ADAM23: variants seen among roughly 807,000 people sequenced by gnomAD.
The protein encoded by ADAM23 is disintegrin and metalloproteinase domain-containing protein 23.
Under a neutral mutation model 120.1 loss-of-function variants are expected in ADAM23, and 33 were observed. The observed-to-expected ratio is 0.27, with a 90% CI of 0.21 to 0.37. The LOEUF is 0.37. Among genes scored for constraint, ADAM23 ranks in the 10% least tolerant of loss-of-function variants. The pLI, the probability that ADAM23 is intolerant of heterozygous loss-of-function variation, is 1.00. For missense variants in ADAM23, 862 were observed against 1,058.2 expected, an observed-to-expected ratio of 0.81 and a Z score of 2.57; for synonymous variants, 367 against 375.2, an observed-to-expected ratio of 0.98 and a Z score of 0.25.
At chr2:206,444,998 A>C (rs1339824910) in intron 1 of ADAM23, among the ~76,000 whole-genome samples, 5 of 145,912 alleles carry the variant, frequency 3.4e-5, no homozygotes, top group African/African-American at 1.0e-4. Flanking sequence ...AGTTCATTCT[A>C]CCCCCCCCCC....
Position 206,508,781 on chromosome 2 carries a change from A to G in ADAM23, c.510-22104A>G, listed in dbSNP as rs145823746. Among the ~76,000 whole-genome samples the G allele has an allele frequency of 3.2e-3, 481 of 152,308 alleles. 5 individuals carry two copies. Among genetic ancestry groups the G allele is most frequent in the African/African-American group, 0.011 (458 of 41,566 alleles). The stretch of plus-strand genomic sequence containing the variant: ...TGCATTGAGGTACCTACTAAGTTCC[A>G]GGTGCTGAAATAGGCATTTTGTATT... On this transcript the variant is annotated intron_variant, in intron 3 of 25. Coordinates refer to ENST00000264377, the MANE Select transcript of ADAM23 (RefSeq NM_003812.4).
chr2:206,598,315 A>C (rs986618081), intron 24 of ADAM23, among the ~76,000 whole-genome samples: 2 of 151,976 alleles, frequency 1.3e-5, no homozygotes, highest in Non-Finnish European at 2.9e-5. Flanking sequence ...TTTTTCTTTA[A>C]GTAGAGTAGG....
chr2:206,617,468 G>A, intron 25 of ADAM23, 111 bp from the exon 26 acceptor site: 1 of 1,223,048 alleles, frequency 8.2e-7, no homozygotes, highest in Non-Finnish European at 1.1e-6. Flanking sequence ...TAATTACTTT[G>A]CTCTGGAACT....
chr2:206,483,863 A>G (rs1416444452), intron 3 of ADAM23, among the ~76,000 whole-genome samples: 1 of 152,068 alleles, frequency 6.6e-6, no homozygotes, highest in African/African-American at 2.4e-5. Flanking sequence ...ATGAGAGGAG[A>G]TGATGTGGAG....
intron 3 of ADAM23, among the ~76,000 whole-genome samples, chr2:206,492,250 G>A (rs1696150145): frequency 6.6e-6 from 1 of 152,312 alleles, no homozygotes; most frequent in African/African-American, 2.4e-5. Context: ...TCTCAACTCA[G>A]GCCTAAAGCA....
rs143893247 is a variant in ADAM23, at chr2:206,528,880, C to T, written c.510-2005C>T. Among the ~76,000 whole-genome samples, 28 of 152,278 alleles carry T rather than the reference C, an allele frequency of 1.8e-4. No homozygotes were observed. In the East Asian group the frequency reaches 4.4e-3, roughly 24 times the overall value. On this transcript the variant is annotated intron_variant, in intron 3 of 25. Coordinates refer to ENST00000264377, the MANE Select transcript of ADAM23 (RefSeq NM_003812.4). Reference sequence around the variant, plus strand: ...GGACCTACTCTTGTCCTTCAGTTCCCATTAGGATTAAATGAGTTAATACCA... The same window carrying T: ...GGACCTACTCTTGTCCTTCAGTTCCTATTAGGATTAAATGAGTTAATACCA...
At chr2:206,614,900 G>A (rs948415201) in intron 25 of ADAM23, among the ~76,000 whole-genome samples, 2 of 152,038 alleles carry the variant, frequency 1.3e-5, no homozygotes, top group East Asian at 3.9e-4. Context: ...TAATGCCTGG[G>A]ACTCCTGGGT....
At chr2:206,526,473 T>A (rs1177028321) in intron 3 of ADAM23, among the ~76,000 whole-genome samples, 3 of 152,196 alleles carry the variant, frequency 2.0e-5, no homozygotes, top group African/African-American at 7.2e-5. Context: ...TTTTAGACAG[T>A]TCTTCTCCAA....
chr2:206,606,115 T>C (rs946742959), intron 24 of ADAM23, among the ~76,000 whole-genome samples: 2 of 152,236 alleles, frequency 1.3e-5, no homozygotes, highest in African/African-American at 4.8e-5. Flanking sequence ...GATATCTTCA[T>C]AATTAAGGCA....
intron 3 of ADAM23, among the ~76,000 whole-genome samples, chr2:206,521,458 G>C (rs1696840818): frequency 2.0e-5 from 3 of 152,150 alleles, no homozygotes; most frequent in Non-Finnish European, 2.9e-5. Flanking sequence ...AATATAGCTT[G>C]TATTGTGGTT....
At chr2:206,511,662 A>G (rs1402159626) in intron 3 of ADAM23, among the ~76,000 whole-genome samples, 2 of 152,188 alleles carry the variant, frequency 1.3e-5, no homozygotes, top group Non-Finnish European at 2.9e-5. Flanking sequence ...CTTCACCCCT[A>G]GAAGGTCCTC....
intron 3 of ADAM23, among the ~76,000 whole-genome samples, chr2:206,497,252 A>C (rs1016127370): frequency 6.6e-6 from 1 of 152,234 alleles, no homozygotes. Flanking sequence ...AAAAATCCTC[A>C]GTAAAATACT....
At chr2:206,506,806 G>A (rs541298672) in intron 3 of ADAM23, among the ~76,000 whole-genome samples, 1 of 152,274 alleles carries the variant, frequency 6.6e-6, no homozygotes, top group Non-Finnish European at 1.5e-5. Context: ...CTTTAAGCAG[G>A]TGTGTAGTCA....
At chr2:206,535,725 G>T (rs977121072) in intron 4 of ADAM23, among the ~76,000 whole-genome samples, 1 of 152,178 alleles carries the variant, frequency 6.6e-6, no homozygotes, top group Admixed American at 6.5e-5. Flanking sequence ...CATATGATAC[G>T]ATTCTGTTTA....
At chr2:206,597,746 A>G (rs148097520) in intron 24 of ADAM23, among the ~76,000 whole-genome samples, 171 of 152,286 alleles carry the variant, frequency 1.1e-3, no homozygotes, top group African/African-American at 3.9e-3. Context: ...CAGGTAGGAA[A>G]ATGCATATAG....
intron 24 of ADAM23, among the ~76,000 whole-genome samples, chr2:206,601,144 C>T (rs1049155838): frequency 3.3e-5 from 5 of 152,186 alleles, no homozygotes; most frequent in Non-Finnish European, 7.3e-5. Flanking sequence ...AAGGTGCTTA[C>T]TATAGAATAC....
At chr2:206,541,098 G>A (rs1050721473) in intron 4 of ADAM23, among the ~76,000 whole-genome samples, 83 of 151,412 alleles carry the variant, frequency 5.5e-4, no homozygotes, top group Middle Eastern at 3.4e-3. Context: ...CCCAGGAGGC[G>A]GAGGTTGTAG....
chr2:206,609,855 T>A, intron 24 of ADAM23, 55 bp from the exon 25 acceptor site: 1 of 1,451,486 alleles, frequency 6.9e-7, no homozygotes, highest in East Asian at 2.5e-5. Flanking sequence ...CTTTCCCTTG[T>A]GGTAACGAAA....
intron 25 of ADAM23, among the ~76,000 whole-genome samples, chr2:206,615,757 G>A (rs747210420): frequency 2.6e-5 from 4 of 152,168 alleles, no homozygotes; most frequent in African/African-American, 7.2e-5. Context: ...CTGCAAAAAG[G>A]TGCAACCTAA....
Sources: gnomAD v4.1 joint callset for allele counts (sites outside exome capture counted in the v4.1 genomes callset) on GRCh38, gnomAD v4.1.1 for gene constraint, MANE v1.5 for transcripts, NCBI Gene and HGNC (gene_info 2026-07-23, HGNC 2026-07-21) for gene names.